CBFA2T2: variants seen among roughly 807,000 people sequenced by gnomAD.
CBFA2T2 encodes protein CBFA2T2.
Under a neutral mutation model 62.2 loss-of-function variants are expected in CBFA2T2, and 11 were observed. The observed-to-expected ratio is 0.18, with a 90% CI of 0.11 to 0.29. The LOEUF is 0.29. Among genes scored for constraint, CBFA2T2 ranks in the 10% least tolerant of loss-of-function variants. The pLI, the probability that CBFA2T2 is intolerant of heterozygous loss-of-function variation, is 1.00. For missense variants in CBFA2T2, 592 were observed against 774.1 expected, an observed-to-expected ratio of 0.76 and a Z score of 2.79; for synonymous variants, 295 against 287.5, an observed-to-expected ratio of 1.03 and a Z score of -0.27.
intron 1 of CBFA2T2, among the ~76,000 whole-genome samples, chr20:33,558,884 A>G (rs1323623050): frequency 6.6e-6 from 1 of 151,978 alleles, no homozygotes; most frequent in East Asian, 1.9e-4. Flanking sequence ...GCTTTGTTAC[A>G]TGGATGTATT....
chr20:33,585,569 C>G (rs1035006643), intron 1 of CBFA2T2, among the ~76,000 whole-genome samples: 5 of 152,232 alleles, frequency 3.3e-5, no homozygotes, highest in Middle Eastern at 3.4e-3. Context: ...ATTGCTTTTT[C>G]CCTTGAGCTG....
At chr20:33,565,512 T>A (rs1375787046) in intron 1 of CBFA2T2, among the ~76,000 whole-genome samples, 1 of 152,148 alleles carries the variant, frequency 6.6e-6, no homozygotes, top group South Asian at 2.1e-4. Context: ...TAGGAATACT[T>A]TGGATGCTAG....
At chr20:33,547,687 ATGTGTGTGTGTG>A (rs60988030) in intron 1 of CBFA2T2, among the ~76,000 whole-genome samples, 3,188 of 139,174 alleles carry the variant, frequency 0.023, 55 homozygotes, top group Non-Finnish European at 0.037. Context: ...TCTCAAAAAA[ATGTGTGTGTGTG>A]TGTGTGTGTG....
In CBFA2T2 at chr20:33,644,608, C is replaced by G; in HGVS notation, c.1750C>G (p.Pro584Ala). 1 of 1,610,808 alleles carries G rather than the reference C, an allele frequency of 6.2e-7. No individual in the cohort carries two copies. Among genetic ancestry groups the G allele is most frequent in the Non-Finnish European group, 8.5e-7 (1 of 1,177,334 alleles). Residue 584 changes from proline (P) to alanine (A), a missense_variant, in exon 11 of 11, where the codon CCT (proline) becomes GCT (alanine). Physicochemically the swap from Pro to Ala is conservative, Grantham distance 27. Around this residue, in one of 3 missense-constraint regions of CBFA2T2, gnomAD observed 85 missense variants for 99.0 expected, o/e 0.86. Coordinates refer to ENST00000342704, the MANE Select transcript of CBFA2T2 (RefSeq NM_001032999.3). Reference sequence around the variant, plus strand: ...GGCAACCACATCGCGTTCCTCAACACCTGCTTCTGTGACAGCTATCGACAC... The same window carrying G: ...GGCAACCACATCGCGTTCCTCAACAGCTGCTTCTGTGACAGCTATCGACAC... ...TSATTSRSSTPASVTAIDTNG... is the reference protein window; with the variant it reads ...TSATTSRSSTAASVTAIDTNG...
chr20:33,557,715 C>T (rs1368901799), intron 1 of CBFA2T2, among the ~76,000 whole-genome samples: 1 of 151,864 alleles, frequency 6.6e-6, no homozygotes, highest in African/African-American at 2.4e-5. Context: ...GTATGTTGCC[C>T]AAGCTGGTCT....
chr20:33,537,906 T>TACTATAACTTGA (rs1421569251), intron 1 of CBFA2T2, among the ~76,000 whole-genome samples: 2 of 152,172 alleles, frequency 1.3e-5, no homozygotes, highest in African/African-American at 4.8e-5. Context: ...GAGGCAGTTT[T>TACTATAACTTGA]AGTCCTCTAG....
intron 1 of CBFA2T2, among the ~76,000 whole-genome samples, chr20:33,602,756 C>A (rs928732898): frequency 6.6e-6 from 1 of 152,090 alleles, no homozygotes; most frequent in Non-Finnish European, 1.5e-5. Flanking sequence ...TTTTTTCTTT[C>A]CTTACGAAGT....
At chr20:33,632,190 C>T (rs138225249) in intron 8 of CBFA2T2, among the ~76,000 whole-genome samples, 211 of 152,132 alleles carry the variant, frequency 1.4e-3, no homozygotes, top group African/African-American at 4.8e-3. Flanking sequence ...ATTACAGGCA[C>T]CTGCCACCAT....
In CBFA2T2 at chr20:33,650,006, T is replaced by G. The variant is rs750848846; in HGVS notation, c.*5360T>G. Reference sequence around the variant, plus strand: ...TGTATTTAGTTTGTTCTACTTAAAGTAGTCAATAAAAAGGCTATATTCCTT... The same window carrying G: ...TGTATTTAGTTTGTTCTACTTAAAGGAGTCAATAAAAAGGCTATATTCCTT... On this transcript the variant is annotated 3_prime_UTR_variant, in exon 11 of 11. Coordinates refer to ENST00000342704, the MANE Select transcript of CBFA2T2 (RefSeq NM_001032999.3). 6 of 151,022 alleles carry G rather than the reference T, an allele frequency of 4.0e-5. No individual in the cohort carries two copies. Among genetic ancestry groups the G allele is most frequent in the Admixed American group, 6.6e-5 (1 of 15,230 alleles). 9.4% of individuals were successfully genotyped at this position (151,022 alleles called of 1,614,324 possible). A position where few individuals can be genotyped will look rare whatever the true frequency, so the allele number is the denominator to read the frequency against.
intron 1 of CBFA2T2, among the ~76,000 whole-genome samples, chr20:33,600,087 A>G (rs545068306): frequency 2.6e-5 from 4 of 151,840 alleles, no homozygotes; most frequent in Admixed American, 1.3e-4. Flanking sequence ...TATGTCCATA[A>G]TCAGTTTAGC....
At chr20:33,604,411 C>G (rs1034790270) in intron 1 of CBFA2T2, among the ~76,000 whole-genome samples, 2 of 152,120 alleles carry the variant, frequency 1.3e-5, no homozygotes, top group Non-Finnish European at 2.9e-5. Context: ...TGGTGAAATT[C>G]ACTTGCATTG....
chr20:33,613,411 G>A (rs150881918), intron 3 of CBFA2T2, among the ~76,000 whole-genome samples: 53 of 152,364 alleles, frequency 3.5e-4, no homozygotes, highest in Non-Finnish European at 6.6e-4. Flanking sequence ...AGGAGACATA[G>A]TGAGAGAGAC....
At chr20:33,493,965 C>T (rs1371755067) in intron 1 of CBFA2T2, among the ~76,000 whole-genome samples, 5 of 149,432 alleles carry the variant, frequency 3.3e-5, no homozygotes, top group Non-Finnish European at 5.9e-5. Flanking sequence ...CTCACTGCAT[C>T]GTCCATCTCC....
chr20:33,563,981 G>A (rs1245497278), intron 1 of CBFA2T2, among the ~76,000 whole-genome samples: 1 of 152,110 alleles, frequency 6.6e-6, no homozygotes, highest in Non-Finnish European at 1.5e-5. Flanking sequence ...AAGCAGGAGT[G>A]AGGTACTGAA....
intron 1 of CBFA2T2, among the ~76,000 whole-genome samples, chr20:33,519,732 C>T (rs915344365): frequency 5.3e-5 from 8 of 152,026 alleles, no homozygotes; most frequent in Admixed American, 2.0e-4. Flanking sequence ...GGGGTAGGGT[C>T]CAGGAATCTT....
intron 1 of CBFA2T2, among the ~76,000 whole-genome samples, chr20:33,564,180 G>A (rs1377824602): frequency 6.6e-6 from 1 of 151,858 alleles, no homozygotes; most frequent in Non-Finnish European, 1.5e-5. Flanking sequence ...GGGTAATTAA[G>A]TGGACAGTAT....
intron 1 of CBFA2T2, among the ~76,000 whole-genome samples, chr20:33,507,140 T>G (rs1343451769): frequency 1.3e-5 from 2 of 152,230 alleles, no homozygotes; most frequent in African/African-American, 4.8e-5. Context: ...TGGACTATAA[T>G]GAATTGTCAT....
chr20:33,493,112 G>T (rs190727316), intron 1 of CBFA2T2, among the ~76,000 whole-genome samples: 1 of 104,442 alleles, frequency 9.6e-6, no homozygotes, highest in African/African-American at 3.8e-5. Context: ...TTTCACTCTT[G>T]TTGCTCAGGC....
chr20:33,559,314 T>C (rs1322390679), intron 1 of CBFA2T2, among the ~76,000 whole-genome samples: 1 of 151,714 alleles, frequency 6.6e-6, no homozygotes, highest in South Asian at 2.1e-4. Context: ...GCTGGAACTA[T>C]AGGCATGTGC....
Sources: gnomAD v4.1 joint callset for allele counts (sites outside exome capture counted in the v4.1 genomes callset) on GRCh38, gnomAD v4.1.1 for gene constraint, gnomAD v4.1.1 regional missense constraint, MANE v1.5 for transcripts, NCBI Gene and HGNC (gene_info 2026-07-23, HGNC 2026-07-21) for gene names.